MINK1: variants seen among roughly 807,000 people sequenced by gnomAD.
MINK1 encodes the protein misshapen like kinase 1.
In MINK1, 46 loss-of-function variants were observed where a neutral mutation model predicts 178.4. The ratio of observed to expected loss-of-function variants is 0.26; its 90% CI spans 0.20 to 0.33. The LOEUF is 0.33. Ranked by LOEUF, MINK1 falls within the 10% of genes least tolerant of loss-of-function variation. The pLI, the probability that MINK1 is intolerant of heterozygous loss-of-function variation, is 1.00. For synonymous variants in MINK1, 797 were observed against 709.7 expected (o/e 1.12, Z -1.96); for missense variants, 1,366 against 1,814.9 (o/e 0.75, Z 4.49).
intron 1 of MINK1, among the ~76,000 whole-genome samples, chr17:4,853,423 T>C (rs150046498): frequency 0.092 from 3,846 of 41,672 alleles, 192 homozygotes; most frequent in East Asian, 0.31. Context: ...TGGAGTGTGG[T>C]TGAGGGGGAG....
chr17:4,893,784 AGTGCCTGTCTGCCCCT>A, intron 21 of MINK1, 187 bp downstream of exon 21: 1 of 993,256 alleles, frequency 1.0e-6, no homozygotes, highest in African/African-American at 1.6e-5. Context: ...GGCCTCTTCA[AGTGCCTGTCTGCCCCT>A]GTGCCAGCCT....
chr17:4,884,452 T>C lies in MINK1; in HGVS notation c.396T>C (p.Tyr132=), dbSNP rs1185674860. The C allele has an allele frequency of 1.9e-6, 3 of 1,613,624 alleles. No individual in the cohort carries two copies. Among genetic ancestry groups the C allele is most frequent in the African/African-American group, 2.7e-5 (2 of 74,898 alleles). Residue 132 remains tyrosine, a synonymous_variant, in exon 5 of 32, where the codon TAT becomes TAC. Coordinates refer to ENST00000355280, the MANE Select transcript of MINK1 (RefSeq NM_153827.5). ...CCCTGAAGGAGGACTGTATCGCCTA[T>C]ATCTGCAGGGAGATCCTCAGGGTGA... ...GNALKEDCIA[Y]ICREILRGLA... is the part of the protein sequence containing the mutation.
intron 1 of MINK1, among the ~76,000 whole-genome samples, chr17:4,850,778 A>G (rs1453652417): frequency 6.6e-6 from 1 of 152,154 alleles, no homozygotes; most frequent in African/African-American, 2.4e-5. Flanking sequence ...TGGCAATAAG[A>G]TATAATGATC....
In MINK1 at chr17:4,887,521, TGA is replaced by T; in HGVS notation, c.1020-55_1020-54del. On this transcript the variant is annotated intron_variant, in intron 11 of 31. Coordinates refer to ENST00000355280, the MANE Select transcript of MINK1 (RefSeq NM_153827.5). This position sits in a 1 kb window ranked among gnomAD's most constrained non-coding sequence, Gnocchi z 7.6. ...ACCCACTCAGGCGGGCCCACGGGGT[TGA>T]GAGTGGGAACCAACAGGGTTCTGAC... 3.5e-6 allele frequency: 5 copies of T among 1,421,564 alleles called. No homozygotes were observed. Among genetic ancestry groups the T allele is most frequent in the Non-Finnish European group, 4.7e-6 (5 of 1,071,468 alleles). 88.1% of individuals were successfully genotyped at this position (1,421,564 alleles called of 1,614,324 possible).
At position 4,887,684 on chromosome 17, in the gene MINK1, TGCAGCAGCA is replaced by T; in HGVS notation, c.1133_1141del (p.Gln378_Gln380del). 6.4e-7 allele frequency: 1 copy of T among 1,561,092 alleles called. No homozygotes were observed. The highest frequency in any genetic ancestry group is 8.7e-7 in the Non-Finnish European group (1 of 1,154,352). On this transcript the variant is annotated inframe_deletion, in exon 12 of 32. Transcript: ENST00000355280. The surrounding 1 kb of genome is among the most constrained non-coding windows in gnomAD (Gnocchi z 7.6). ...GAGGCTTTAAAACAGCAGCAGCAGCTGCAGCAGCAGCAGCAGCGAGACCCCGAGGCACAC... is the reference window on the plus strand; with the variant it reads ...GAGGCTTTAAAACAGCAGCAGCAGCTGCAGCAGCGAGACCCCGAGGCACAC...
rs1911944333 is a variant in MINK1 at position 4,851,509 on chromosome 17, T to C, written c.57+17869T>C. Among the ~76,000 whole-genome samples the C allele has an allele frequency of 2.0e-5, 3 of 152,202 alleles. No individual in the cohort carries two copies. In the South Asian group the frequency reaches 6.2e-4, roughly 32 times the overall value. On this transcript the variant is annotated intron_variant, in intron 1 of 31. Transcript: ENST00000355280. Reference sequence around the variant, plus strand: ...CTGCTCGCTGTCTGCCCCCCTGCGATGGGGACTTCTTTGGCCCTTCTCACC... The same window carrying C: ...CTGCTCGCTGTCTGCCCCCCTGCGACGGGGACTTCTTTGGCCCTTCTCACC...
intron 1 of MINK1, among the ~76,000 whole-genome samples, chr17:4,866,200 G>T (rs1480699247): frequency 6.6e-6 from 1 of 152,134 alleles, no homozygotes; most frequent in Non-Finnish European, 1.5e-5. Context: ...AGACGCGGTG[G>T]TTCACGCCTG....
intron 1 of MINK1, among the ~76,000 whole-genome samples, chr17:4,861,087 A>C (rs1698360801): frequency 6.6e-6 from 1 of 152,070 alleles, no homozygotes; most frequent in Non-Finnish European, 1.5e-5. Flanking sequence ...TCTGGCGTTG[A>C]ATCATTAAAT....
chr17:4,839,349 G>A (rs890212845), intron 1 of MINK1, among the ~76,000 whole-genome samples: 2 of 152,126 alleles, frequency 1.3e-5, no homozygotes, highest in African/African-American at 4.8e-5. Context: ...CATTTTCTGT[G>A]GTCAGTGGGC....
chr17:4,876,779 C>A (rs1967220610), intron 1 of MINK1, among the ~76,000 whole-genome samples: 1 of 152,072 alleles, frequency 6.6e-6, no homozygotes, highest in Non-Finnish European at 1.5e-5. Context: ...CAGTGAAACA[C>A]CAGGACTGTC....
intron 1 of MINK1, among the ~76,000 whole-genome samples, chr17:4,850,319 G>A (rs2150799705): frequency 6.6e-6 from 1 of 152,290 alleles, no homozygotes; most frequent in East Asian, 1.9e-4. Flanking sequence ...GACAGGCCTG[G>A]TGAAAAGTTG....
intron 1 of MINK1, among the ~76,000 whole-genome samples, chr17:4,843,593 A>G (rs1910579495): frequency 6.6e-6 from 1 of 152,138 alleles, no homozygotes; most frequent in Non-Finnish European, 1.5e-5. Flanking sequence ...AGTCATTTAT[A>G]TTATGATGCA....
Position 4,884,906 on chromosome 17 carries a change from TC to T in MINK1, c.418-3del. The T allele has an allele frequency of 6.2e-7, 1 of 1,613,540 alleles. No individual in the cohort carries two copies. The highest frequency in any genetic ancestry group is 8.5e-7 in the Non-Finnish European group (1 of 1,179,614). On this transcript the variant is annotated splice_polypyrimidine_tract_variant and splice_region_variant and intron_variant, in intron 5 of 31. Coordinates refer to ENST00000355280, the MANE Select transcript of MINK1 (RefSeq NM_153827.5). ...ATGGCTAATTTTCCCTGCTCTCCTG[TC>T]CCAGGGTCTGGCCCATCTCCATGCC...
At chr17:4,835,018 C>T (rs537535518) in intron 1 of MINK1, among the ~76,000 whole-genome samples, 1 of 152,286 alleles carries the variant, frequency 6.6e-6, no homozygotes, top group South Asian at 2.1e-4. Flanking sequence ...GCTATGAGAC[C>T]TGACTTGCTG....
chr17:4,847,071 A>G (rs1911148688), intron 1 of MINK1: 2 of 437,556 alleles, frequency 4.6e-6, no homozygotes, highest in Admixed American at 2.5e-5. Flanking sequence ...TCCTGGCCTC[A>G]TAACCTCCTC....
In MINK1 at chr17:4,878,391, A is replaced by G. The variant is rs1425201344; in HGVS notation, c.123+9A>G. 6.5e-7 allele frequency: 1 copy of G among 1,536,002 alleles called. No individual in the cohort carries two copies. The highest frequency in any genetic ancestry group is 1.4e-5 in the African/African-American group (1 of 72,986). On this transcript the variant is annotated intron_variant, in intron 2 of 31. Coordinates refer to ENST00000355280, the MANE Select transcript of MINK1 (RefSeq NM_153827.5). Reference sequence around the variant, plus strand: ...ACGGACAGGTGTACAAGGTGAGACGAATGGTGTGGAAGTATGACCTCCACA... The same window carrying G: ...ACGGACAGGTGTACAAGGTGAGACGGATGGTGTGGAAGTATGACCTCCACA...
intron 2 of MINK1, among the ~76,000 whole-genome samples, chr17:4,880,321 G>T: frequency 6.9e-6 from 1 of 144,972 alleles, no homozygotes; most frequent in African/African-American, 2.6e-5. Context: ...TTTTTGAGAC[G>T]GAGTCTTGCT....
At position 4,838,080 on chromosome 17, in the gene MINK1, C is replaced by A. The variant is rs1471421150; in HGVS notation, c.57+4440C>A. Among the ~76,000 whole-genome samples the A allele has an allele frequency of 2.0e-5, 3 of 152,116 alleles. No homozygotes were observed. The East Asian group carries it at 5.8e-4, about 29-fold the overall frequency. On this transcript the variant is annotated intron_variant, in intron 1 of 31. Transcript: ENST00000355280. ...AAATGTTGATGACAGATGCCTTAGG[C>A]AGGAGAATGGGAAGAGTGACCTCCT...
intron 1 of MINK1, among the ~76,000 whole-genome samples, chr17:4,860,414 C>T (rs556597687): frequency 6.6e-6 from 1 of 152,324 alleles, no homozygotes; most frequent in South Asian, 2.1e-4. Flanking sequence ...CAGTTCGTGT[C>T]CCAGCCTCCC....
Sources: allele counts gnomAD v4.1 joint callset (sites outside exome capture counted in the v4.1 genomes callset), GRCh38; gene constraint gnomAD v4.1.1; non-coding constraint Gnocchi (gnomAD v3.1); transcripts MANE v1.5; gene names NCBI Gene and HGNC (gene_info 2026-07-23, HGNC 2026-07-21).